Variants in ELAVL2 observed in about 807,000 individuals in gnomAD.
ELAVL2 encodes the protein ELAV-like protein 2.
In ELAVL2, 4 loss-of-function variants were observed where a neutral mutation model predicts 34.6. The observed-to-expected ratio is 0.12, with a 90% CI of 0.06 to 0.26. The LOEUF (loss-of-function observed/expected upper bound fraction) is 0.26, where lower values mean the gene tolerates loss of function less well. Ranked by LOEUF, ELAVL2 falls within the 10% of genes least tolerant of loss-of-function variation. The pLI is 1.00. For synonymous variants in ELAVL2, 193 were observed against 154.8 expected, an observed-to-expected ratio of 1.25 and a Z score of -1.83; for missense variants, 432 against 442.8, an observed-to-expected ratio of 0.98 and a Z score of 0.22.
intron 1 of ELAVL2, among the ~76,000 whole-genome samples, chr9:23,783,791 TG>T (rs1037769572): frequency 6.7e-6 from 1 of 149,884 alleles, no homozygotes; most frequent in Non-Finnish European, 1.5e-5. Context: ...GGATGACAGA[TG>T]AAAAAAAAAA....
chr9:23,781,514 T>G (rs888670266), intron 1 of ELAVL2, among the ~76,000 whole-genome samples: 9 of 146,926 alleles, frequency 6.1e-5, no homozygotes, highest in African/African-American at 2.3e-4. Flanking sequence ...CTTTTTTTTC[T>G]TTCCTTTTTT....
intron 2 of ELAVL2, among the ~76,000 whole-genome samples, chr9:23,756,349 G>T (rs2053554634): frequency 6.6e-6 from 1 of 152,102 alleles, no homozygotes; most frequent in Non-Finnish European, 1.5e-5. Context: ...TTATATTTGG[G>T]TTTTTGTTTT....
At chr9:23,819,326 C>T (rs1471077875) in intron 1 of ELAVL2, among the ~76,000 whole-genome samples, 1 of 151,974 alleles carries the variant, frequency 6.6e-6, no homozygotes, top group Non-Finnish European at 1.5e-5. Context: ...GAGGCGGTAA[C>T]CAGAACAAAT....
chr9:23,743,841 T>C (rs1365888196), intron 2 of ELAVL2, among the ~76,000 whole-genome samples: 1 of 152,190 alleles, frequency 6.6e-6, no homozygotes, highest in Non-Finnish European at 1.5e-5. Context: ...AGTTACTCGA[T>C]TTGCTTATTC....
intron 3 of ELAVL2, among the ~76,000 whole-genome samples, chr9:23,717,387 T>C (rs1056306890): frequency 8.5e-5 from 13 of 152,198 alleles, no homozygotes; most frequent in African/African-American, 2.9e-4. Flanking sequence ...GTTTCTCTTA[T>C]AAATTAGGTC....
chr9:23,699,196 A>G (rs746567381), intron 5 of ELAVL2, among the ~76,000 whole-genome samples: 10 of 152,198 alleles, frequency 6.6e-5, no homozygotes, highest in Non-Finnish European at 1.2e-4. Context: ...TTACTCAACC[A>G]AAAATAAAAA....
At chr9:23,824,070 T>TC (rs2138665527) in intron 1 of ELAVL2, among the ~76,000 whole-genome samples, 1 of 152,294 alleles carries the variant, frequency 6.6e-6, no homozygotes, top group African/African-American at 2.4e-5. Flanking sequence ...TCCATCCCTG[T>TC]CCAGCAGTGT....
At chr9:23,820,721 T>C (rs987895892) in intron 1 of ELAVL2, among the ~76,000 whole-genome samples, 20 of 152,162 alleles carry the variant, frequency 1.3e-4, no homozygotes, top group Non-Finnish European at 2.2e-4. Context: ...GTCTCACCAG[T>C]GCACGCACAC....
intron 5 of ELAVL2, among the ~76,000 whole-genome samples, chr9:23,694,305 T>A (rs151068784): frequency 2.2e-4 from 34 of 152,132 alleles, no homozygotes; most frequent in African/African-American, 8.0e-4. Context: ...GGGGTGGAGG[T>A]GTAAGTACTC....
intron 1 of ELAVL2, chr9:23,783,419 G>A: frequency 1.0e-6 from 1 of 983,116 alleles, no homozygotes; most frequent in Non-Finnish European, 1.2e-6. Context: ...ACTTCAGAGA[G>A]CATGAAAAAC....
At chr9:23,738,134 CA>C (rs1164673858) in intron 2 of ELAVL2, among the ~76,000 whole-genome samples, 1 of 152,208 alleles carries the variant, frequency 6.6e-6, no homozygotes, top group African/African-American at 2.4e-5. Flanking sequence ...CTGTGCACTG[CA>C]ACTCTGGCAC....
intron 1 of ELAVL2, among the ~76,000 whole-genome samples, chr9:23,813,952 A>C (rs2063368224): frequency 6.6e-6 from 1 of 152,194 alleles, no homozygotes; most frequent in Non-Finnish European, 1.5e-5. Context: ...AAACAAACCA[A>C]GGTCAAAGTG....
At chr9:23,801,855 CAG>C (rs1245818741) in intron 1 of ELAVL2, among the ~76,000 whole-genome samples, 9 of 152,212 alleles carry the variant, frequency 5.9e-5, no homozygotes, top group African/African-American at 2.2e-4. Flanking sequence ...GGGACTCCCA[CAG>C]AGTTTTCTTC....
intron 5 of ELAVL2, among the ~76,000 whole-genome samples, chr9:23,695,220 C>T (rs1426987299): frequency 2.0e-5 from 3 of 152,148 alleles, no homozygotes; most frequent in African/African-American, 7.2e-5. Flanking sequence ...TATCAAATTG[C>T]TGGAATGATC....
At chr9:23,801,008 G>T (rs538562682) in intron 1 of ELAVL2, among the ~76,000 whole-genome samples, 11 of 151,556 alleles carry the variant, frequency 7.3e-5, no homozygotes, top group African/African-American at 2.7e-4. Context: ...TTACAGCTGG[G>T]CCCAGCAGAG....
intron 5 of ELAVL2, among the ~76,000 whole-genome samples, chr9:23,699,812 G>GTTTTTTTTTTTTTTTTTTTTTTTTT (rs199637833): frequency 2.4e-5 from 2 of 82,970 alleles, no homozygotes; most frequent in East Asian, 4.5e-4. Context: ...GGTGGCAAAG[G>GTTTTTTTTTTTTTTTTTTTTTTTTT]TTTTTTTTTT....
chr9:23,697,012 T>A lies in ELAVL2; in HGVS notation c.714-3526A>T, dbSNP rs564557990. Among the ~76,000 whole-genome samples the A allele has an allele frequency of 5.9e-5, 9 of 152,248 alleles. No individual in the cohort carries two copies. The East Asian group carries it at 1.5e-3, about 26-fold the overall frequency. On this transcript the variant is annotated intron_variant, in intron 5 of 6. Coordinates refer to ENST00000397312, the MANE Select transcript of ELAVL2 (RefSeq NM_004432.5). ...AACCCAGTACCTTCTCAGTCCTGTG[T>A]ATCACCTGCCTCCCTGGGGGAAGAC...
At chr9:23,717,904 A>T (rs995631817) in intron 3 of ELAVL2, among the ~76,000 whole-genome samples, 1 of 152,224 alleles carries the variant, frequency 6.6e-6, no homozygotes, top group African/African-American at 2.4e-5. Flanking sequence ...AACACTGTAT[A>T]GCCAAGATTA....
Position 23,783,556 on chromosome 9 carries a change from A to G in ELAVL2, c.-15-21307T>C, listed in dbSNP as rs942482911. On this transcript the variant is annotated intron_variant, in intron 1 of 6. Coordinates refer to ENST00000397312, the MANE Select transcript of ELAVL2 (RefSeq NM_004432.5). ...TCAAATAAGGCTTTAGTCACCACTA[A>G]AAGGACACAGAAGAAAACAGATATG... The G allele has an allele frequency of 7.3e-6, 7 of 953,000 alleles. No homozygotes were observed. In the East Asian group the frequency reaches 3.5e-4, roughly 47 times the overall value. 59.0% of individuals were successfully genotyped at this position (953,000 alleles called of 1,614,324 possible). A position where few individuals can be genotyped will look rare whatever the true frequency, so the allele number is the denominator to read the frequency against.
Sources: gnomAD v4.1 joint callset for allele counts (sites outside exome capture counted in the v4.1 genomes callset) on GRCh38, gnomAD v4.1.1 for gene constraint, MANE v1.5 for transcripts, NCBI Gene and HGNC (gene_info 2026-07-23, HGNC 2026-07-21) for gene names.